Variants in LCLAT1 observed in about 807,000 individuals in gnomAD.
LCLAT1 encodes the protein lysocardiolipin acyltransferase 1.
Under a neutral mutation model 30.7 loss-of-function variants are expected in LCLAT1, and 11 were observed. That is an observed-to-expected ratio of 0.36 (90% CI 0.23 to 0.59). The LOEUF (loss-of-function observed/expected upper bound fraction) is 0.59, where lower values mean the gene tolerates loss of function less well. LCLAT1 is among the 20% of genes least tolerant of loss of function. LCLAT1 has a pLI of 0.77. For synonymous variants in LCLAT1, 155 were observed against 151.3 expected, an observed-to-expected ratio of 1.02 and a Z score of -0.18; for missense variants, 402 against 458.6, an observed-to-expected ratio of 0.88 and a Z score of 1.13.
chr2:30,614,919 CCAGGAAGCCAAGAGG>C (rs1464071891), intron 5 of LCLAT1, among the ~76,000 whole-genome samples: 41 of 151,880 alleles, frequency 2.7e-4, no homozygotes, highest in Admixed American at 9.2e-4. Flanking sequence ...AGTAAGGTGA[CCAGGAAGCCAAGAGG>C]GAGGGAGGCA....
chr2:30,493,270 A>G (rs1683921257), intron 1 of LCLAT1, among the ~76,000 whole-genome samples: 1 of 152,218 alleles, frequency 6.6e-6, no homozygotes, highest in African/African-American at 2.4e-5. Context: ...TAAGGCAGTA[A>G]CTTTTGTAAA....
intron 1 of LCLAT1, among the ~76,000 whole-genome samples, chr2:30,490,333 GCTGGGA>G (rs1378120842): frequency 9.9e-5 from 15 of 151,768 alleles, no homozygotes; most frequent in African/African-American, 3.1e-4. Context: ...CTCCTGAGTA[GCTGGGA>G]CTACAGGTGC....
At chr2:30,524,989 A>G (rs139314419) in intron 1 of LCLAT1, among the ~76,000 whole-genome samples, 336 of 151,896 alleles carry the variant, frequency 2.2e-3, no homozygotes, top group African/African-American at 7.7e-3. Context: ...GGAATATTTT[A>G]TGAGTTTGTG....
At chr2:30,553,017 A>G (rs1175484283) in intron 3 of LCLAT1, among the ~76,000 whole-genome samples, 1 of 152,190 alleles carries the variant, frequency 6.6e-6, no homozygotes, top group Non-Finnish European at 1.5e-5. Context: ...TCATAGTGCC[A>G]TAGTAGATGC....
intron 5 of LCLAT1, among the ~76,000 whole-genome samples, chr2:30,619,708 T>G (rs991793070): frequency 6.6e-6 from 1 of 152,178 alleles, no homozygotes; most frequent in Non-Finnish European, 1.5e-5. Context: ...AGAATTCATT[T>G]TGAGTGGTAA....
At position 30,528,272 on chromosome 2, in the gene LCLAT1, A is replaced by C. The variant is rs142801014; in HGVS notation, c.165+2517A>C. ...CAGTTAAAATTCTTAATCTGGAAGA[A>C]ATGCTGGTATTTATAGGACAAGTTA... On this transcript the variant is annotated intron_variant, in intron 2 of 5. Transcript: ENST00000379509. Among the ~76,000 whole-genome samples the C allele has an allele frequency of 8.7e-3, 1,322 of 152,346 alleles. 10 individuals carry two copies. Among genetic ancestry groups the C allele is most frequent in the Non-Finnish European group, 0.015 (1,053 of 68,024 alleles).
chr2:30,526,072 A>G (rs962530595), intron 2 of LCLAT1, among the ~76,000 whole-genome samples: 1 of 152,174 alleles, frequency 6.6e-6, no homozygotes, highest in Admixed American at 6.5e-5. Context: ...TGAATTCACA[A>G]ATGCTGAACG....
intron 3 of LCLAT1, among the ~76,000 whole-genome samples, chr2:30,549,990 A>G (rs1314772179): frequency 6.6e-6 from 1 of 152,326 alleles, no homozygotes; most frequent in East Asian, 1.9e-4. Context: ...TCAAAACTAT[A>G]TCTTTAGAAA....
At chr2:30,510,456 T>A (rs1435037874) in intron 1 of LCLAT1, among the ~76,000 whole-genome samples, 1 of 152,218 alleles carries the variant, frequency 6.6e-6, no homozygotes, top group Non-Finnish European at 1.5e-5. Context: ...CTGGTCTAAT[T>A]TTTAATCCTT....
At chr2:30,448,529 C>CGTAATAG in intron 1 of LCLAT1, among the ~76,000 whole-genome samples, 1 of 152,240 alleles carries the variant, frequency 6.6e-6, no homozygotes, top group African/African-American at 2.4e-5. Context: ...CTGAGAAAAA[C>CGTAATAG]GTAATAGCGC....
At chr2:30,473,393 C>T (rs542270093) in intron 1 of LCLAT1, among the ~76,000 whole-genome samples, 10 of 152,224 alleles carry the variant, frequency 6.6e-5, no homozygotes, top group East Asian at 1.9e-4. Flanking sequence ...AGCAGGTAGA[C>T]GGAAGAGAAC....
chr2:30,587,990 C>G (rs1324682032), intron 5 of LCLAT1, among the ~76,000 whole-genome samples: 1 of 152,258 alleles, frequency 6.6e-6, no homozygotes, highest in African/African-American at 2.4e-5. Flanking sequence ...AGCTGCCAAA[C>G]TTCAGCATCT....
chr2:30,509,043 T>C (rs568074437), intron 1 of LCLAT1, among the ~76,000 whole-genome samples: 2 of 152,248 alleles, frequency 1.3e-5, no homozygotes, highest in South Asian at 4.1e-4. Context: ...GTGAATGGGA[T>C]TGGGTTTTTG....
At chr2:30,633,302 C>T (rs143650086) in intron 5 of LCLAT1, among the ~76,000 whole-genome samples, 3 of 152,100 alleles carry the variant, frequency 2.0e-5, no homozygotes, top group African/African-American at 4.8e-5. Flanking sequence ...AACTCTAATC[C>T]ATGCAGTTAG....
intron 1 of LCLAT1, among the ~76,000 whole-genome samples, chr2:30,466,343 C>T (rs1357570721): frequency 6.6e-6 from 1 of 151,880 alleles, no homozygotes; most frequent in African/African-American, 2.4e-5. Context: ...ATCCTCCCAC[C>T]TTGGCTTCCC....
At chr2:30,527,048 C>T (rs1000622084) in intron 2 of LCLAT1, among the ~76,000 whole-genome samples, 1 of 152,032 alleles carries the variant, frequency 6.6e-6, no homozygotes, top group African/African-American at 2.4e-5. Context: ...GGGTATTTCT[C>T]TATATACATA....
At chr2:30,577,402 G>T (rs560951067) in intron 5 of LCLAT1, among the ~76,000 whole-genome samples, 1 of 152,132 alleles carries the variant, frequency 6.6e-6, no homozygotes, top group African/African-American at 2.4e-5. Flanking sequence ...TCGGCCACAT[G>T]GGGTAAATTC....
At chr2:30,600,067 T>C (rs1227914910) in intron 5 of LCLAT1, among the ~76,000 whole-genome samples, 2 of 152,214 alleles carry the variant, frequency 1.3e-5, no homozygotes, top group Non-Finnish European at 2.9e-5. Flanking sequence ...TTCCCTTCCA[T>C]GTTTAGTGCT....
At chr2:30,449,038 A>C (rs924514409) in intron 1 of LCLAT1, among the ~76,000 whole-genome samples, 1 of 151,990 alleles carries the variant, frequency 6.6e-6, no homozygotes, top group Non-Finnish European at 1.5e-5. Flanking sequence ...CAACTCAGTC[A>C]TCTAGCATCA....
Sources: allele counts gnomAD v4.1 joint callset (sites outside exome capture counted in the v4.1 genomes callset), GRCh38; gene constraint gnomAD v4.1.1; transcripts MANE v1.5; gene names NCBI Gene and HGNC (gene_info 2026-07-23, HGNC 2026-07-21).